UTRN: variants seen among roughly 807,000 people sequenced by gnomAD.
UTRN encodes the protein utrophin, also known as dystrophin-related protein 1.
In UTRN, 283 loss-of-function variants were observed where a neutral mutation model predicts 463.9. The ratio of observed to expected loss-of-function variants is 0.61; its 90% CI spans 0.55 to 0.67. The LOEUF is 0.67. Among genes scored for constraint, UTRN ranks in the 30% least tolerant of loss-of-function variants. The pLI is 0.00. For synonymous variants in UTRN, 1,442 were observed against 1,431.5 expected, an observed-to-expected ratio of 1.01 and a Z score of -0.17; for missense variants, 3,922 against 4,084.3, an observed-to-expected ratio of 0.96 and a Z score of 1.08.
At position 144,820,951 on chromosome 6, in the gene UTRN, T is replaced by G; in HGVS notation, c.9427T>G (p.Phe3143Val). ...LKNKFRSKKY[F>V]AKHPRLGYLP... ...GAACAAGTTCAGGTCGAAGAAGTAC[T>G]TTGCCAAACACCCTCGACTTGGTTA... The change falls in exon 66 of 75, where the codon TTT (phenylalanine) becomes GTT (valine). Residue 3143 changes from phenylalanine (F) to valine (V), a missense_variant. Physicochemically the swap from Phe to Val is conservative, Grantham distance 50. This residue lies in a region of UTRN where 1,309 missense variants were observed against 1,452.6 expected (regional missense o/e 0.90). Coordinates refer to ENST00000367545, the MANE Select transcript of UTRN (RefSeq NM_007124.3). The G allele has an allele frequency of 6.2e-7, 1 of 1,613,944 alleles. No homozygotes were observed. Among genetic ancestry groups the G allele is most frequent in the South Asian group, 1.1e-5 (1 of 91,074 alleles).
chr6:144,827,918 A>T (rs1780333439), intron 68 of UTRN, among the ~76,000 whole-genome samples: 1 of 152,198 alleles, frequency 6.6e-6, no homozygotes, highest in Non-Finnish European at 1.5e-5. Context: ...AGCTAATGAG[A>T]ATCCAAACAC....
chr6:144,811,547 C>G (rs536899906), intron 65 of UTRN, among the ~76,000 whole-genome samples: 3 of 152,226 alleles, frequency 2.0e-5, no homozygotes, highest in South Asian at 2.1e-4. Flanking sequence ...GACTTATCAT[C>G]CCACTGATTC....
intron 7 of UTRN, among the ~76,000 whole-genome samples, chr6:144,426,754 C>T (rs1009547853): frequency 6.6e-6 from 1 of 152,188 alleles, no homozygotes; most frequent in African/African-American, 2.4e-5. Flanking sequence ...TCAGCACTAA[C>T]TGATAATGTA....
intron 14 of UTRN, among the ~76,000 whole-genome samples, chr6:144,446,230 C>T (rs994725257): frequency 6.6e-6 from 1 of 152,046 alleles, no homozygotes; most frequent in African/African-American, 2.4e-5. Flanking sequence ...GACCTTTCAT[C>T]GTGTTCTATA....
In UTRN at chr6:144,719,922, A is replaced by G. The variant is rs117804965; in HGVS notation, c.7810-10435A>G. Among the ~76,000 whole-genome samples the G allele has an allele frequency of 4.7e-3, 713 of 152,378 alleles. 30 individuals carry two copies. The East Asian group carries it at 0.1, about 22-fold the overall frequency. ...CACGGACAATTTGGATAATGGCTTT[A>G]GATTGAAGAAAGGTTAGGAAAGAGT... On this transcript the variant is annotated intron_variant, in intron 53 of 74. Transcript: ENST00000367545.
chr6:144,533,283 C>T (rs1797225638), intron 43 of UTRN, 23 bp downstream of exon 43: 1 of 1,611,912 alleles, frequency 6.2e-7, no homozygotes, highest in Non-Finnish European at 8.5e-7. Flanking sequence ...TGATTGTTTG[C>T]AGGCACAGGA....
chr6:144,327,611 C>T (rs995716021), intron 2 of UTRN, among the ~76,000 whole-genome samples: 1 of 152,050 alleles, frequency 6.6e-6, no homozygotes, highest in African/African-American at 2.4e-5. Context: ...TAACTCTTTC[C>T]GGTGGTTATG....
At chr6:144,389,929 A>C (rs866254478) in intron 2 of UTRN, among the ~76,000 whole-genome samples, 2 of 152,284 alleles carry the variant, frequency 1.3e-5, no homozygotes, top group African/African-American at 4.8e-5. Context: ...ATAATTCAGT[A>C]GTCCAGTCCC....
chr6:144,422,168 G>C (rs948184709), intron 4 of UTRN, among the ~76,000 whole-genome samples, 198 bp downstream of exon 4: 12 of 152,164 alleles, frequency 7.9e-5, no homozygotes, highest in Non-Finnish European at 1.6e-4. Flanking sequence ...TGAGGGCTCT[G>C]TTTTTATTGA....
chr6:144,642,704 G>A (rs1463822019), intron 51 of UTRN, among the ~76,000 whole-genome samples: 2 of 152,268 alleles, frequency 1.3e-5, no homozygotes, highest in African/African-American at 4.8e-5. Flanking sequence ...AGCCCAAGAA[G>A]GAGGAGATTT....
In UTRN at chr6:144,423,763, C is replaced by A. The variant is rs528194451; in HGVS notation, c.312+137C>A. 61 of 1,083,034 alleles carry A rather than the reference C, an allele frequency of 5.6e-5. No individual in the cohort carries two copies. The African/African-American group carries it at 8.1e-4, about 14-fold the overall frequency. 67.1% of individuals were successfully genotyped at this position (1,083,034 alleles called of 1,614,324 possible). ...TCTTATGAGAAATACTGAACTTTTT[C>A]TGTGAGTGAAGAAACAGTCATGTGC... On this transcript the variant is annotated intron_variant, in intron 5 of 74. Coordinates refer to ENST00000367545, the MANE Select transcript of UTRN (RefSeq NM_007124.3).
intron 2 of UTRN, among the ~76,000 whole-genome samples, chr6:144,298,966 G>A (rs1321592976): frequency 6.6e-6 from 1 of 151,828 alleles, no homozygotes; most frequent in Non-Finnish European, 1.5e-5. Flanking sequence ...TAAGATTTTG[G>A]TATACAATAT....
intron 27 of UTRN, among the ~76,000 whole-genome samples, chr6:144,483,637 G>T (rs1385380574): frequency 1.3e-5 from 2 of 152,044 alleles, no homozygotes; most frequent in East Asian, 1.9e-4. Context: ...TTGTAGAGAT[G>T]GGGGTCTTGC....
intron 51 of UTRN, among the ~76,000 whole-genome samples, chr6:144,607,205 T>C (rs1484065534): frequency 6.6e-6 from 1 of 152,218 alleles, no homozygotes; most frequent in Non-Finnish European, 1.5e-5. Flanking sequence ...ATATTTTCTA[T>C]GTATGTCTTG....
chr6:144,622,184 G>GTTGTTTTTTTTT (rs1371864579), intron 51 of UTRN, among the ~76,000 whole-genome samples: 2 of 88,202 alleles, frequency 2.3e-5, no homozygotes, highest in African/African-American at 8.7e-5. Flanking sequence ...TTTTTTTGTT[G>GTTGTTTTTTTTT]TTTTTTTTTT....
chr6:144,336,366 A>T (rs1776720084), intron 2 of UTRN, among the ~76,000 whole-genome samples: 2 of 152,212 alleles, frequency 1.3e-5, no homozygotes, highest in Admixed American at 6.5e-5. Context: ...GCCAGAAGAC[A>T]GGCAGTGGCA....
At chr6:144,415,511 A>AT (rs1214733239) in intron 3 of UTRN, among the ~76,000 whole-genome samples, 1 of 152,154 alleles carries the variant, frequency 6.6e-6, no homozygotes, top group Non-Finnish European at 1.5e-5. Context: ...TTTTTTGTAG[A>AT]TTTTTTTCTA....
chr6:144,526,462 G>T (rs1796576531), intron 41 of UTRN, among the ~76,000 whole-genome samples: 3 of 152,028 alleles, frequency 2.0e-5, no homozygotes, highest in African/African-American at 7.2e-5. Context: ...AACTGCTGTT[G>T]CTTTAAAATT....
intron 34 of UTRN, among the ~76,000 whole-genome samples, chr6:144,505,817 T>C (rs550444912): frequency 6.6e-6 from 1 of 152,358 alleles, no homozygotes; most frequent in African/African-American, 2.4e-5. Flanking sequence ...TTGTTAATTT[T>C]CTGCCTCACT....
Sources: gnomAD v4.1 joint callset for allele counts (sites outside exome capture counted in the v4.1 genomes callset) on GRCh38, gnomAD v4.1.1 for gene constraint, gnomAD v4.1.1 regional missense constraint, MANE v1.5 for transcripts, NCBI Gene and HGNC (gene_info 2026-07-23, HGNC 2026-07-21) for gene names.